SPAG9: variants seen among roughly 807,000 people sequenced by gnomAD.
SPAG9 encodes the protein sperm associated antigen 9, also known as C-Jun-amino-terminal kinase-interacting protein 4.
A neutral mutation model predicts 166.5 loss-of-function variants in SPAG9; 35 were observed. The ratio of observed to expected loss-of-function variants is 0.21; its 90% CI spans 0.16 to 0.28. SPAG9 has a LOEUF of 0.28. Among genes scored for constraint, SPAG9 ranks in the 10% least tolerant of loss-of-function variants. The pLI is 1.00. For synonymous variants in SPAG9, 534 were observed against 565.5 expected (o/e 0.94, Z 0.79); for missense variants, 1,235 against 1,603.3 (o/e 0.77, Z 3.92).
chr17:50,999,466 A>G, intron 14 of SPAG9, 195 bp downstream of exon 14: 1 of 1,506,354 alleles, frequency 6.6e-7, no homozygotes, highest in East Asian at 2.5e-5. Context: ...GTCCTTGAGA[A>G]GAGCCTTACC....
At chr17:51,075,192 T>A (rs1280040718) in intron 2 of SPAG9, among the ~76,000 whole-genome samples, 19 of 54,740 alleles carry the variant, frequency 3.5e-4, no homozygotes, top group Admixed American at 3.2e-3. Context: ...CCAGACTCCA[T>A]CTCAAAAAAA....
intron 27 of SPAG9, 153 bp from the exon 28 acceptor site, chr17:50,975,100 A>G: frequency 1.6e-6 from 1 of 643,038 alleles, no homozygotes; most frequent in Non-Finnish European, 2.5e-6. Flanking sequence ...AAAGCTGGGA[A>G]AAAAAGAGAT....
Position 51,104,720 on chromosome 17 carries a change from T to C in SPAG9, c.303+15634A>G, listed in dbSNP as rs1166658302. ...AGGCCGAGGCGGGCGGATCACGAGG[T>C]CAGGAGATCGAGACCATCCTGGCTA... On this transcript the variant is annotated intron_variant, in intron 1 of 29. Transcript: ENST00000262013. Among the ~76,000 whole-genome samples the C allele has an allele frequency of 2.0e-5, 3 of 151,678 alleles. No individual in the cohort carries two copies. In the East Asian group the frequency reaches 5.8e-4, roughly 29 times the overall value.
At chr17:51,062,365 C>T (rs1003237129) in intron 2 of SPAG9, among the ~76,000 whole-genome samples, 1 of 152,140 alleles carries the variant, frequency 6.6e-6, no homozygotes, top group Non-Finnish European at 1.5e-5. Flanking sequence ...TGACATGTGA[C>T]CACCATTATA....
intron 19 of SPAG9, among the ~76,000 whole-genome samples, chr17:50,992,224 T>C (rs1158126311): frequency 6.6e-6 from 1 of 151,938 alleles, no homozygotes. Context: ...ACACAGAAAC[T>C]CTATGTTTTT....
chr17:51,053,849 A>ATAT (rs2047254904), intron 3 of SPAG9, among the ~76,000 whole-genome samples: 1 of 69,734 alleles, frequency 1.4e-5, no homozygotes, highest in African/African-American at 7.4e-5. Flanking sequence ...AAAAAAAAAA[A>ATAT]AAAAAGTATA....
chr17:51,043,359 T>G (rs557313571), intron 4 of SPAG9, among the ~76,000 whole-genome samples: 1 of 152,324 alleles, frequency 6.6e-6, no homozygotes, highest in African/African-American at 2.4e-5. Context: ...GAGGCGTTAT[T>G]TATTATTTCC....
intron 1 of SPAG9, among the ~76,000 whole-genome samples, chr17:51,095,974 GATATATATATATATAGTGAT>G (rs2048620866): frequency 3.5e-5 from 3 of 84,562 alleles, no homozygotes; most frequent in Admixed American, 2.7e-4. Context: ...TATATATAGT[GATATATATATATATAGTGAT>G]ATATATATAG....
chr17:51,106,640 T>C (rs2048958985), intron 1 of SPAG9, among the ~76,000 whole-genome samples: 1 of 151,456 alleles, frequency 6.6e-6, no homozygotes, highest in Non-Finnish European at 1.5e-5. Context: ...CTACCAAAAA[T>C]ACAAAAATTA....
intron 1 of SPAG9, among the ~76,000 whole-genome samples, chr17:51,106,537 C>G (rs2144758870): frequency 6.6e-6 from 1 of 152,264 alleles, no homozygotes; most frequent in Non-Finnish European, 1.5e-5. Context: ...TGGCTCATGC[C>G]TGTAATCCCA....
chr17:50,982,656 C>A lies in SPAG9; in HGVS notation c.3105G>T (p.Leu1035Phe), dbSNP rs1184139901. The A allele has an allele frequency of 1.9e-6, 3 of 1,609,260 alleles. No homozygotes were observed. The highest frequency in any genetic ancestry group is 2.5e-6 in the Non-Finnish European group (3 of 1,178,870). ...FHRGVDGQWD[L>F]SNYHLLDLGR... ...CAAGGTCTAAGAGGTGATAGTTTGA[C>A]AAATCCCACTGCCCATCTTTAAAAA... The change falls in exon 25 of 30, where the codon TTG becomes TTT. Residue 1035 changes from leucine to phenylalanine, a missense_variant. By Grantham distance (22) the Leu-to-Phe change is conservative (BLOSUM62 0). Transcript: ENST00000262013.
At chr17:50,994,186 T>A (rs1390616749) in intron 18 of SPAG9, among the ~76,000 whole-genome samples, 1 of 152,174 alleles carries the variant, frequency 6.6e-6, no homozygotes, top group African/African-American at 2.4e-5. Flanking sequence ...GGGGCCAGTC[T>A]TTCCCATGCT....
chr17:50,975,965 T>C, intron 27 of SPAG9: 1 of 1,257,942 alleles, frequency 7.9e-7, no homozygotes, highest in Non-Finnish European at 1.1e-6. Flanking sequence ...AGAATTACTG[T>C]GAGCCACCAC....
chr17:51,022,973 T>TAATAATAATAATAATAATAAA (rs972193435), intron 6 of SPAG9, among the ~76,000 whole-genome samples: 2 of 148,436 alleles, frequency 1.3e-5, no homozygotes, highest in African/African-American at 4.9e-5. Flanking sequence ...ATAATAATAA[T>TAATAATAATAATAATAATAAA]AAATCAGGGT....
chr17:50,980,551 T>C (rs2143704261), intron 25 of SPAG9, among the ~76,000 whole-genome samples: 1 of 151,868 alleles, frequency 6.6e-6, no homozygotes, highest in African/African-American at 2.4e-5. Context: ...GCAGAGCCAC[T>C]GTGTTGAAAT....
intron 12 of SPAG9, among the ~76,000 whole-genome samples, chr17:51,002,646 T>C (rs1224473676): frequency 1.3e-5 from 2 of 151,774 alleles, no homozygotes; most frequent in African/African-American, 2.4e-5. Context: ...TAGTCCCAGC[T>C]ACTTGGGAAG....
In SPAG9 at chr17:51,005,354, C is replaced by T; in HGVS notation, c.1425-91G>A. 2.5e-6 allele frequency: 3 copies of T among 1,184,096 alleles called. No individual in the cohort carries two copies. In the South Asian group the frequency reaches 3.9e-5, roughly 16 times the overall value. The allele number at this position is 1,184,096 out of a possible 1,614,324, so 73.3% of individuals were successfully genotyped here. A position where few individuals can be genotyped will look rare whatever the true frequency, so the allele number is the denominator to read the frequency against. On this transcript the variant is annotated intron_variant, in intron 11 of 29. Coordinates refer to ENST00000262013, the MANE Select transcript of SPAG9 (RefSeq NM_001130528.3). ...AGTAGGTCAACAATTTTAACTACCA[C>T]TAAAGGATTATTTTTCTTTTCCCAA... is the stretch of plus-strand genomic sequence containing the variant.
intron 1 of SPAG9, among the ~76,000 whole-genome samples, chr17:51,095,912 G>GATATAGTT (rs2048609040): frequency 7.4e-6 from 1 of 134,590 alleles, no homozygotes; most frequent in African/African-American, 2.8e-5. Context: ...TATATATAGT[G>GATATAGTT]ATATATATAT....
intron 1 of SPAG9, among the ~76,000 whole-genome samples, chr17:51,111,571 C>G (rs1207866094): frequency 6.6e-6 from 1 of 152,156 alleles, no homozygotes; most frequent in African/African-American, 2.4e-5. Context: ...GTACTATACC[C>G]AGTTTGGTGT....
Sources: allele counts gnomAD v4.1 joint callset (sites outside exome capture counted in the v4.1 genomes callset), GRCh38; gene constraint gnomAD v4.1.1; transcripts MANE v1.5; gene names NCBI Gene and HGNC (gene_info 2026-07-23, HGNC 2026-07-21).